RIMS1: variants seen among roughly 807,000 people sequenced by gnomAD.
RIMS1 encodes the protein regulating synaptic membrane exocytosis protein 1.
A neutral mutation model predicts 214.1 loss-of-function variants in RIMS1; 83 were observed. The observed-to-expected ratio is 0.39, with a 90% CI of 0.32 to 0.47. The LOEUF is 0.47. RIMS1 is among the 20% of genes least tolerant of loss of function. The probability of loss-of-function intolerance (pLI) is 0.99; values close to 1 mark genes in which losing one functional copy is unlikely to be tolerated. For synonymous variants in RIMS1, 793 were observed against 786.8 expected, an observed-to-expected ratio of 1.01 and a Z score of -0.13; for missense variants, 2,050 against 2,161.8, an observed-to-expected ratio of 0.95 and a Z score of 1.03.
chr6:72,251,212 C>T lies in RIMS1; in HGVS notation c.2545-3C>T, dbSNP rs1237532509. The T allele has an allele frequency of 5.0e-6, 8 of 1,592,886 alleles. No individual in the cohort carries two copies. Among genetic ancestry groups the T allele is most frequent in the South Asian group, 4.6e-5 (4 of 87,696 alleles). On this transcript the variant is annotated splice_polypyrimidine_tract_variant and splice_region_variant and intron_variant, in intron 14 of 33. Transcript: ENST00000521978. ...TGATTTAATTTGAGAATTACCCTCT[C>T]AGATCCTCATAGAATTGGAGACAGC...
At chr6:72,291,552 A>C (rs982716559) in intron 25 of RIMS1, among the ~76,000 whole-genome samples, 3 of 152,246 alleles carry the variant, frequency 2.0e-5, no homozygotes, top group African/African-American at 7.2e-5. Context: ...CAGTTTAGGC[A>C]ACAGCCTTTC....
At chr6:72,294,198 A>C (rs1403515975) in intron 26 of RIMS1, among the ~76,000 whole-genome samples, 1 of 151,764 alleles carries the variant, frequency 6.6e-6, no homozygotes, top group Non-Finnish European at 1.5e-5. Context: ...TTGTCCTAAA[A>C]TATGTTTAAA....
intron 1 of RIMS1, among the ~76,000 whole-genome samples, chr6:71,899,479 CACACACACACAA>C (rs1375133885): frequency 6.6e-6 from 1 of 151,854 alleles, no homozygotes; most frequent in African/African-American, 2.4e-5. Context: ...TTTGTATACA[CACACACACACAA>C]ACACACACAC....
intron 10 of RIMS1, 98 bp from the exon 11 acceptor site, chr6:72,245,717 A>G (rs781724975): frequency 7.9e-6 from 7 of 881,174 alleles, no homozygotes; most frequent in Non-Finnish European, 1.3e-5. Flanking sequence ...ACCTGTAAAG[A>G]CCCAGCAGGA....
At position 72,196,381 on chromosome 6, in the gene RIMS1, A is replaced by ATCTATCTATCTATCTATCTG. The variant is rs1194491189; in HGVS notation, c.1678+13251_1678+13252insGTCTATCTATCTATCTATCT. ...TGTCTGTCTGTCTGTCTGTCTGTCT[A>ATCTATCTATCTATCTATCTG]TCTATCTATCTATCTATCTATCTAT... On this transcript the variant is annotated intron_variant, in intron 6 of 33. Transcript: ENST00000521978. 1.5e-3 allele frequency among the ~76,000 whole-genome samples: 60 copies of ATCTATCTATCTATCTATCTG among 40,030 alleles called. 1 individual carries two copies. Among genetic ancestry groups the ATCTATCTATCTATCTATCTG allele is most frequent in the African/African-American group, 7.1e-3 (59 of 8,328 alleles). The allele number at this position is 40,030 out of a possible 152,430, so 26.3% of individuals were successfully genotyped here.
intron 29 of RIMS1, among the ~76,000 whole-genome samples, chr6:72,348,176 T>C (rs1029804381): frequency 6.6e-6 from 1 of 151,952 alleles, no homozygotes; most frequent in Admixed American, 6.6e-5. Context: ...AATAAAAACA[T>C]GTTTTTTAAG....
intron 29 of RIMS1, among the ~76,000 whole-genome samples, chr6:72,355,524 T>C (rs1338143765): frequency 2.0e-5 from 3 of 152,328 alleles, no homozygotes; most frequent in East Asian, 3.9e-4. Flanking sequence ...AAAAGGCGAA[T>C]TGTGTTATTA....
chr6:72,309,657 C>A (rs1050915932), intron 27 of RIMS1, among the ~76,000 whole-genome samples: 18 of 152,000 alleles, frequency 1.2e-4, no homozygotes, highest in Admixed American at 1.2e-3. Flanking sequence ...ATTTTAAAAC[C>A]TATTACTTTC....
intron 3 of RIMS1, among the ~76,000 whole-genome samples, chr6:72,098,745 A>T (rs2032695181): frequency 6.6e-6 from 1 of 152,154 alleles, no homozygotes; most frequent in Non-Finnish European, 1.5e-5. Flanking sequence ...AAATAACTAA[A>T]ATCTAGGTCT....
At chr6:72,080,886 A>G (rs547238511) in intron 2 of RIMS1, among the ~76,000 whole-genome samples, 53 of 152,320 alleles carry the variant, frequency 3.5e-4, no homozygotes, top group East Asian at 2.5e-3. Context: ...ACAAAACATT[A>G]CTTAGCATTC....
chr6:72,037,664 G>A (rs1820051981), intron 2 of RIMS1, among the ~76,000 whole-genome samples: 1 of 152,034 alleles, frequency 6.6e-6, no homozygotes, highest in Admixed American at 6.6e-5. Flanking sequence ...ACCTTCAAAA[G>A]TTTTCTTGTG....
At chr6:72,390,871 C>G in intron 30 of RIMS1, 135 bp downstream of exon 30, 1 of 990,758 alleles carries the variant, frequency 1.0e-6, no homozygotes, top group Non-Finnish European at 1.5e-6. Flanking sequence ...TTTAAACCAC[C>G]CTGATGGCTT....
intron 2 of RIMS1, among the ~76,000 whole-genome samples, chr6:71,973,199 C>G (rs572695734): frequency 6.6e-6 from 1 of 152,132 alleles, no homozygotes. Flanking sequence ...TGAGCCACTG[C>G]GCCCGGACAG....
At chr6:72,233,687 C>G (rs1206376487) in intron 6 of RIMS1, 86 bp from the exon 7 acceptor site, 1 of 982,286 alleles carries the variant, frequency 1.0e-6, no homozygotes, top group Non-Finnish European at 1.6e-6. Flanking sequence ...TATTAAAACT[C>G]TTTATAGATC....
chr6:72,253,430 T>A (rs902275855), intron 16 of RIMS1, among the ~76,000 whole-genome samples: 8 of 152,154 alleles, frequency 5.3e-5, no homozygotes, highest in African/African-American at 1.7e-4. Context: ...AAAACTTTTG[T>A]GATGTTGTAG....
At chr6:72,256,090 A>G (rs1173666485) in intron 16 of RIMS1, among the ~76,000 whole-genome samples, 1 of 152,092 alleles carries the variant, frequency 6.6e-6, no homozygotes, top group African/African-American at 2.4e-5. Context: ...CATGTTGTCA[A>G]CAATAACGTA....
chr6:72,000,966 G>A (rs537980745), intron 2 of RIMS1, among the ~76,000 whole-genome samples: 2 of 151,742 alleles, frequency 1.3e-5, no homozygotes, highest in African/African-American at 4.8e-5. Flanking sequence ...TGTACATTCT[G>A]TCAACTAAAT....
intron 4 of RIMS1, among the ~76,000 whole-genome samples, chr6:72,124,473 A>G (rs996247458): frequency 1.3e-5 from 2 of 151,686 alleles, no homozygotes; most frequent in South Asian, 2.1e-4. Context: ...GCTCTTCTCA[A>G]AGAGTATCTT....
At chr6:71,918,568 G>T (rs1485413356) in intron 1 of RIMS1, among the ~76,000 whole-genome samples, 2 of 152,174 alleles carry the variant, frequency 1.3e-5, no homozygotes, top group Non-Finnish European at 2.9e-5. Context: ...GCAGTATGGG[G>T]ATAATTTGAC....
Sources: allele counts gnomAD v4.1 joint callset (sites outside exome capture counted in the v4.1 genomes callset), GRCh38; gene constraint gnomAD v4.1.1; transcripts MANE v1.5; gene names NCBI Gene and HGNC (gene_info 2026-07-23, HGNC 2026-07-21).